Variants in PLEKHB2 observed in about 807,000 individuals in gnomAD.
PLEKHB2 encodes pleckstrin homology domain-containing family B member 2.
A neutral mutation model predicts 36.5 loss-of-function variants in PLEKHB2; 31 were observed. That is an observed-to-expected ratio of 0.85 (90% CI 0.64 to 1.15). The LOEUF is 1.15. Ranked by LOEUF, PLEKHB2 falls within the 50% of genes most tolerant of loss-of-function variation. The pLI, the probability that PLEKHB2 is intolerant of heterozygous loss-of-function variation, is 0.00. For synonymous variants in PLEKHB2, 119 were observed against 112.0 expected, an observed-to-expected ratio of 1.06 and a Z score of -0.39; for missense variants, 262 against 295.3, an observed-to-expected ratio of 0.89 and a Z score of 0.83.
chr2:131,111,443 T>C (rs1168587016), intron 1 of PLEKHB2, among the ~76,000 whole-genome samples: 1 of 151,500 alleles, frequency 6.6e-6, no homozygotes, highest in Non-Finnish European at 1.5e-5. Flanking sequence ...GAATTTTTAA[T>C]TTTGGTTATT....
At chr2:131,146,491 A>C in intron 7 of PLEKHB2, 146 bp from the exon 8 acceptor site, 1 of 738,472 alleles carries the variant, frequency 1.4e-6, no homozygotes, top group Non-Finnish European at 2.2e-6. Flanking sequence ...TGTCGGCCAC[A>C]TGATGTGCCT....
At chr2:131,108,138 C>CT (rs1694924836) in intron 1 of PLEKHB2, 1 of 152,190 alleles carries the variant, frequency 6.6e-6, no homozygotes, top group Non-Finnish European at 1.5e-5. Flanking sequence ...GCAAAGTAGG[C>CT]TTCAGGCTTA....
chr2:131,124,010 G>A (rs954264699), intron 2 of PLEKHB2, among the ~76,000 whole-genome samples: 1 of 151,974 alleles, frequency 6.6e-6, no homozygotes, highest in African/African-American at 2.4e-5. Context: ...TAGCATGTCT[G>A]GCTATTTTTC....
chr2:131,131,455 C>T (rs1697669648), intron 5 of PLEKHB2, among the ~76,000 whole-genome samples: 1 of 152,186 alleles, frequency 6.6e-6, no homozygotes, highest in Non-Finnish European at 1.5e-5. Flanking sequence ...CTTAGGAGGT[C>T]ACTGAGACAG....
At chr2:131,114,224 C>T (rs564758418) in intron 1 of PLEKHB2, among the ~76,000 whole-genome samples, 3 of 152,254 alleles carry the variant, frequency 2.0e-5, no homozygotes, top group East Asian at 1.9e-4. Context: ...CTCCTGGGTT[C>T]GCACCATTCT....
intron 1 of PLEKHB2, among the ~76,000 whole-genome samples, chr2:131,115,478 C>G (rs905457494): frequency 1.3e-5 from 2 of 150,588 alleles, no homozygotes; most frequent in Non-Finnish European, 2.9e-5. Context: ...CTCAGCCTCC[C>G]GAGTAGCTGG....
In PLEKHB2 at chr2:131,132,959, C is replaced by CCATACACGGCCTATGCTG; in HGVS notation, c.394_411dup (p.Tyr132_Ala137dup). ...GACATCCGTGGTTTCCTCACCTCCACCATACACGGCCTATGCTGCACCGGC... is the reference window on the plus strand; with the variant it reads ...GACATCCGTGGTTTCCTCACCTCCACCATACACGGCCTATGCTGCATACACGGCCTATGCTGCACCGGC... On this transcript the variant is annotated inframe_insertion, in exon 6 of 8. Coordinates refer to ENST00000693505, the MANE Select transcript of PLEKHB2 (RefSeq NM_001100623.2). 1 of 1,613,938 alleles carries CCATACACGGCCTATGCTG rather than the reference C, an allele frequency of 6.2e-7. No individual in the cohort carries two copies. The highest frequency in any genetic ancestry group is 8.5e-7 in the Non-Finnish European group (1 of 1,179,824).
chr2:131,136,635 T>G (rs922450254), intron 6 of PLEKHB2, among the ~76,000 whole-genome samples: 2 of 151,796 alleles, frequency 1.3e-5, no homozygotes, highest in African/African-American at 4.9e-5. Context: ...TGTATGATTC[T>G]TTTTATTTAT....
intron 7 of PLEKHB2, among the ~76,000 whole-genome samples, chr2:131,142,426 C>T (rs565114140): frequency 6.6e-6 from 1 of 151,950 alleles, no homozygotes; most frequent in East Asian, 1.9e-4. Flanking sequence ...TGCCTATTAT[C>T]ATATTGGGTG....
intron 2 of PLEKHB2, 40 bp from the exon 3 acceptor site, chr2:131,125,713 C>G: frequency 1.5e-6 from 2 of 1,333,336 alleles, no homozygotes; most frequent in Non-Finnish European, 2.1e-6. Flanking sequence ...AAGACTGTCT[C>G]TAAAAAAAAA....
intron 2 of PLEKHB2, among the ~76,000 whole-genome samples, chr2:131,123,652 G>C (rs1256728547): frequency 6.6e-6 from 1 of 151,822 alleles, no homozygotes; most frequent in Non-Finnish European, 1.5e-5. Context: ...AGCCTCCTGA[G>C]TAGCTGGGAT....
In PLEKHB2 at chr2:131,141,639, C is replaced by G. The variant is rs76482534; in HGVS notation, c.532+1364C>G. The stretch of plus-strand genomic sequence containing the variant: ...TGGGCGACAGAACGAGACTCCGTCT[C>G]AAAAAAAAAAAAAAAAAAAAAGTAA... On this transcript the variant is annotated intron_variant, in intron 7 of 7. Coordinates refer to ENST00000693505, the MANE Select transcript of PLEKHB2 (RefSeq NM_001100623.2). Among the ~76,000 whole-genome samples, 42 of 57,142 alleles carry G rather than the reference C, an allele frequency of 7.4e-4. 2 individuals are homozygous for G. The South Asian group carries it at 0.027, about 36-fold the overall frequency. 37.5% of individuals were successfully genotyped at this position (57,142 alleles called of 152,430 possible). A position where few individuals can be genotyped will look rare whatever the true frequency, so the allele number is the denominator to read the frequency against.
intron 7 of PLEKHB2, among the ~76,000 whole-genome samples, chr2:131,140,824 G>GCC (rs1698713789): frequency 6.6e-6 from 1 of 152,226 alleles, no homozygotes; most frequent in Non-Finnish European, 1.5e-5. Context: ...GGAGGTGTGG[G>GCC]ACAATGCTGG....
chr2:131,149,221 T>A lies in PLEKHB2; in HGVS notation c.*2448T>A, dbSNP rs1699510255. 6.6e-6 allele frequency: 1 copy of A among 152,244 alleles called. No homozygotes were observed. The highest frequency in any genetic ancestry group is 2.4e-5 in the African/African-American group (1 of 41,456). 9.4% of individuals were successfully genotyped at this position (152,244 alleles called of 1,614,324 possible). ...GGTATTTTATTTCCTTGGCCACAAC[T>A]CCCATAGATGCCAATGTTTTGATAG... is the stretch of plus-strand genomic sequence containing the variant. On this transcript the variant is annotated 3_prime_UTR_variant, in exon 8 of 8. Transcript: ENST00000693505.
chr2:131,109,375 T>C (rs988314811), intron 1 of PLEKHB2, among the ~76,000 whole-genome samples: 1 of 152,194 alleles, frequency 6.6e-6, no homozygotes, highest in African/African-American at 2.4e-5. Context: ...TTTATCAAAA[T>C]AATACATGTA....
chr2:131,105,541 C>T (rs892411023), intron 1 of PLEKHB2, 143 bp downstream of exon 1: 23 of 154,488 alleles, frequency 1.5e-4, no homozygotes, highest in African/African-American at 5.3e-4. Flanking sequence ...GTCCCCACTC[C>T]CTAATTTTCC....
At chr2:131,130,799 T>G in intron 5 of PLEKHB2, 39 bp downstream of exon 5, 4 of 1,501,930 alleles carry the variant, frequency 2.7e-6, no homozygotes, top group Non-Finnish European at 3.7e-6. Flanking sequence ...TTTTTTTTTT[T>G]TTTGACAAGG....
At chr2:131,125,692 G>T in intron 2 of PLEKHB2, 61 bp from the exon 3 acceptor site, 2 of 1,450,598 alleles carry the variant, frequency 1.4e-6, no homozygotes, top group South Asian at 1.3e-5. Flanking sequence ...TTCCAACTTG[G>T]GCGAAATAGT....
At chr2:131,146,367 A>T (rs1699285291) in intron 7 of PLEKHB2, among the ~76,000 whole-genome samples, 1 of 152,080 alleles carries the variant, frequency 6.6e-6, no homozygotes, top group Non-Finnish European at 1.5e-5. Flanking sequence ...CTGAAGTAGA[A>T]ATCAGAGGCT....
Sources: gnomAD v4.1 joint callset for allele counts (sites outside exome capture counted in the v4.1 genomes callset) on GRCh38, gnomAD v4.1.1 for gene constraint, MANE v1.5 for transcripts, NCBI Gene and HGNC (gene_info 2026-07-23, HGNC 2026-07-21) for gene names.